STAU1: variants seen among roughly 807,000 people sequenced by gnomAD.
STAU1 encodes the protein staufen double-stranded RNA binding protein 1.
STAU1 carries 13 observed loss-of-function variants against 62.9 expected under a neutral mutation model. The ratio of observed to expected loss-of-function variants is 0.21; its 90% CI spans 0.13 to 0.33. The LOEUF (loss-of-function observed/expected upper bound fraction) is 0.33, where lower values mean the gene tolerates loss of function less well. Among genes scored for constraint, STAU1 ranks in the 10% least tolerant of loss-of-function variants. STAU1 has a pLI of 1.00. For synonymous variants in STAU1, 269 were observed against 265.1 expected (o/e 1.01, Z -0.14); for missense variants, 571 against 712.1 (o/e 0.80, Z 2.25).
At chr20:49,184,416 C>A (rs1042159756) in intron 1 of STAU1, among the ~76,000 whole-genome samples, 5 of 152,264 alleles carry the variant, frequency 3.3e-5, no homozygotes, top group African/African-American at 9.6e-5. Context: ...CTCACACTTA[C>A]ACACACAGCT....
chr20:49,154,702 A>G (rs1219734329), intron 3 of STAU1, among the ~76,000 whole-genome samples: 1 of 151,742 alleles, frequency 6.6e-6, no homozygotes, highest in Non-Finnish European at 1.5e-5. Context: ...TATCTCTACT[A>G]AAAAATACAA....
At position 49,134,593 on chromosome 20, in the gene STAU1, T is replaced by C. The variant is rs138144738; in HGVS notation, c.609+1240A>G. The C allele has an allele frequency of 1.1e-3, 1,412 of 1,303,294 alleles. 10 individuals carry two copies. In the African/African-American group the frequency reaches 0.019, roughly 17 times the overall value. 80.7% of individuals were successfully genotyped at this position (1,303,294 alleles called of 1,614,324 possible). On this transcript the variant is annotated intron_variant, in intron 6 of 13. Coordinates refer to ENST00000371856, the MANE Select transcript of STAU1 (RefSeq NM_017453.4). ...GACCTGCCCCCAGAGAGACAAAAGA[T>C]ACAGATATTGTGGATGAAGCCAACT...
At chr20:49,215,670 G>A in the STAU1 span, among the ~76,000 whole-genome samples, 748 of 152,260 alleles carry the variant, frequency 4.9e-3, 4 homozygotes, top group Non-Finnish European at 8.6e-3. Context: ...ATTGATTACT[G>A]AGTAACATTC....
rs1555873834 is a variant in STAU1, at chr20:49,180,332, T to TTCC, written c.-159-6064_-159-6063insGGA. Among the ~76,000 whole-genome samples, 333 of 146,738 alleles carry TTCC rather than the reference T, an allele frequency of 2.3e-3. 1 individual carries two copies. Among genetic ancestry groups the TTCC allele is most frequent in the Middle Eastern group, 0.01 (3 of 288 alleles). ...TGGACTACAGTTCTTTTTTTTTTTT[T>TTCC]CCCCCCCTGGATACAGAGTCTTGCT... On this transcript the variant is annotated intron_variant, in intron 1 of 13. Transcript: ENST00000371856.
intron 5 of STAU1, among the ~76,000 whole-genome samples, chr20:49,149,676 T>C (rs2093206372): frequency 1.3e-5 from 2 of 152,234 alleles, no homozygotes; most frequent in African/African-American, 4.8e-5. Flanking sequence ...CACTAAATCC[T>C]CCTCTTTTAG....
At chr20:49,133,244 C>T (rs2092791217) in intron 6 of STAU1, among the ~76,000 whole-genome samples, 1 of 152,212 alleles carries the variant, frequency 6.6e-6, no homozygotes, top group Non-Finnish European at 1.5e-5. Context: ...CATAAAATAG[C>T]AATCTCTAAG....
the STAU1 span, among the ~76,000 whole-genome samples, chr20:49,196,315 A>C: frequency 6.6e-6 from 1 of 151,384 alleles, no homozygotes; most frequent in African/African-American, 2.4e-5. Flanking sequence ...GGGCGCCTGT[A>C]GTCCCAGCTA....
intron 5 of STAU1, among the ~76,000 whole-genome samples, chr20:49,142,402 TTAAATAA>T: frequency 6.6e-6 from 1 of 152,320 alleles, no homozygotes; most frequent in South Asian, 2.1e-4. Flanking sequence ...AAAAATTTTT[TTAAATAA>T]CAATTTATAC....
Position 49,172,155 on chromosome 20 carries a change from A to G in STAU1, c.-85+2040T>C, listed in dbSNP as rs1487761126. On this transcript the variant is annotated intron_variant, in intron 2 of 13. Coordinates refer to ENST00000371856, the MANE Select transcript of STAU1 (RefSeq NM_017453.4). Reference sequence around the variant, plus strand: ...GCAATGGAGGACTTTCTTTCCACACAAATGTAACAGTTGGGAGGTCAGATG... The same window carrying G: ...GCAATGGAGGACTTTCTTTCCACACGAATGTAACAGTTGGGAGGTCAGATG... Among the ~76,000 whole-genome samples the G allele has an allele frequency of 2.6e-5, 4 of 152,198 alleles. No individual in the cohort carries two copies. The East Asian group carries it at 7.7e-4, about 29-fold the overall frequency.
At position 49,117,370 on chromosome 20, in the gene STAU1, T is replaced by A; in HGVS notation, c.1510-122A>T. On this transcript the variant is annotated intron_variant, in intron 11 of 13. Transcript: ENST00000371856. This position sits in a 1 kb window ranked among gnomAD's most constrained non-coding sequence, Gnocchi z 4.6. Reference sequence around the variant, plus strand: ...TCTTTTTTCCAACTCAGCCCCACTGTGGCCATACTAACACCTGCCCTGTCA... The same window carrying A: ...TCTTTTTTCCAACTCAGCCCCACTGAGGCCATACTAACACCTGCCCTGTCA... The A allele has an allele frequency of 7.9e-7, 1 of 1,261,206 alleles. No individual in the cohort carries two copies. The highest frequency in any genetic ancestry group is 1.1e-6 in the Non-Finnish European group (1 of 897,788). The allele number at this position is 1,261,206 out of a possible 1,614,324, so 78.1% of individuals were successfully genotyped here. A position where few individuals can be genotyped will look rare whatever the true frequency, so the allele number is the denominator to read the frequency against.
chr20:49,131,565 G>A lies in STAU1; in HGVS notation c.609+4268C>T, dbSNP rs551066889. ...TTTATGGAAAAAGAAAAAGCAGGCT[G>A]GGTGCAGTGGCTCACACCTGTAATC... is the stretch of plus-strand genomic sequence containing the variant. On this transcript the variant is annotated intron_variant, in intron 6 of 13. Coordinates refer to ENST00000371856, the MANE Select transcript of STAU1 (RefSeq NM_017453.4). Among the ~76,000 whole-genome samples, 56 of 152,246 alleles carry A rather than the reference G, an allele frequency of 3.7e-4. 2 individuals carry two copies. In the South Asian group the frequency reaches 0.01, roughly 28 times the overall value.
intron 3 of STAU1, among the ~76,000 whole-genome samples, chr20:49,156,464 G>A (rs2093358270): frequency 1.3e-5 from 2 of 152,124 alleles, no homozygotes; most frequent in African/African-American, 2.4e-5. Flanking sequence ...ATACTACATG[G>A]TACCTCTAGA....
chr20:49,213,527 C>T, the STAU1 span, among the ~76,000 whole-genome samples: 1 of 152,154 alleles, frequency 6.6e-6, no homozygotes, highest in Non-Finnish European at 1.5e-5. Flanking sequence ...CGCGCCTGGC[C>T]TATTTGCTTT....
chr20:49,136,629 G>A (rs932283506), intron 5 of STAU1, among the ~76,000 whole-genome samples: 1 of 152,172 alleles, frequency 6.6e-6, no homozygotes, highest in African/African-American at 2.4e-5. Flanking sequence ...GATATATGTG[G>A]GACGTGGCAA....
the STAU1 span, among the ~76,000 whole-genome samples, chr20:49,212,286 G>A: frequency 6.6e-6 from 1 of 152,310 alleles, no homozygotes; most frequent in Admixed American, 6.5e-5. Context: ...ACCATGCCCA[G>A]GTGAGCACCT....
chr20:49,139,153 G>C (rs923891384), intron 5 of STAU1, among the ~76,000 whole-genome samples: 15 of 152,078 alleles, frequency 9.9e-5, no homozygotes, highest in African/African-American at 3.4e-4. Flanking sequence ...GAAAACATAG[G>C]GGAAAAGTGT....
At chr20:49,138,553 G>A (rs1302775492) in intron 5 of STAU1, among the ~76,000 whole-genome samples, 1 of 152,084 alleles carries the variant, frequency 6.6e-6, no homozygotes, top group African/African-American at 2.4e-5. Flanking sequence ...CCAGTCTGAA[G>A]GACAGTGGTA....
intron 1 of STAU1, among the ~76,000 whole-genome samples, chr20:49,175,717 G>A (rs1020762899): frequency 1.3e-5 from 2 of 150,880 alleles, no homozygotes; most frequent in Non-Finnish European, 2.9e-5. Context: ...TCGAACACCT[G>A]ACCTCAGGTG....
upstream of STAU1, among the ~76,000 whole-genome samples, chr20:49,191,017 A>C (rs927500614): frequency 7.1e-6 from 1 of 141,282 alleles, no homozygotes; most frequent in Non-Finnish European, 1.5e-5. Flanking sequence ...TGAGACATTT[A>C]TTTTTATTTT....
Sources: gnomAD v4.1 joint callset for allele counts (sites outside exome capture counted in the v4.1 genomes callset) on GRCh38, gnomAD v4.1.1 for gene constraint, Gnocchi (gnomAD v3.1) non-coding constraint, MANE v1.5 for transcripts, NCBI Gene and HGNC (gene_info 2026-07-23, HGNC 2026-07-21) for gene names.